The following TBC1D1 variants were observed in gnomAD, a reference collection of about 807,000 sequenced individuals.
TBC1D1 encodes TBC1 domain family member 1.
A neutral mutation model predicts 125.6 loss-of-function variants in TBC1D1; 89 were observed. The ratio of observed to expected loss-of-function variants is 0.71; its 90% confidence interval spans 0.60 to 0.85. The LOEUF (loss-of-function observed/expected upper bound fraction) is 0.85, where lower values mean the gene tolerates loss of function less well. Among genes scored for constraint, TBC1D1 ranks in the 40% least tolerant of loss-of-function variants. The pLI is 0.00. For synonymous variants in TBC1D1, 565 were observed against 564.1 expected, an observed-to-expected ratio of 1.00 and a Z score of -0.02; for missense variants, 1,377 against 1,469.2, an observed-to-expected ratio of 0.94 and a Z score of 1.03.
At chr4:38,022,016 C>T (rs1744146099) in intron 6 of TBC1D1, among the ~76,000 whole-genome samples, 1 of 152,150 alleles carries the variant, frequency 6.6e-6, no homozygotes, top group Admixed American at 6.5e-5. Flanking sequence ...TAGTGTTTAT[C>T]AAGGTTGTGT....
At position 38,096,108 on chromosome 4, in the gene TBC1D1, G is replaced by C. The variant is rs1468626310; in HGVS notation, c.2398+18G>C. On this transcript the variant is annotated intron_variant, in intron 14 of 19. Coordinates refer to ENST00000261439, the MANE Select transcript of TBC1D1 (RefSeq NM_015173.4). ...TGGGCAAGGTAAGCTTCATTGGGAA[G>C]CATCTAGTCAACCTCACCCCTCATT... 6 of 1,606,030 alleles carry C rather than the reference G, an allele frequency of 3.7e-6. No individual in the cohort carries two copies. The East Asian group carries it at 6.7e-5, about 18-fold the overall frequency.
Position 38,096,071 on chromosome 4 carries a change from G to A in TBC1D1, c.2379G>A (p.Met793Ile), listed in dbSNP as rs1759275556. The A allele has an allele frequency of 6.2e-6, 10 of 1,613,222 alleles. No homozygotes were observed. In the South Asian group the frequency reaches 8.8e-5, roughly 14 times the overall value. The change falls in exon 14 of 20, where the codon ATG (methionine) becomes ATA (isoleucine). Residue 793 changes from methionine to isoleucine, a missense_variant. Met to Ile is a conservative substitution (Grantham distance 10). Around this residue, in one of 3 missense-constraint regions of TBC1D1, gnomAD observed 543 missense variants for 613.5 expected, o/e 0.89. Transcript: ENST00000261439. ...AAATTAAGTTTGACATGGAAAAAAT[G>A]CACTCGGCTGTTGGGCAAGGTAAGC...
rs74955942 is a variant in TBC1D1 at position 38,027,845 on chromosome 4, A to G, written c.1268A>G (p.Asn423Ser). Residue 423 changes from asparagine (N) to serine (S), a missense_variant, in exon 7 of 20, where the codon AAT (asparagine) becomes AGT (serine). Transcript: ENST00000261439. ...CAAAAGCACCTGACGACATTAACCAATCAGGAGCAGGCGACTATTTTTGAA... is the reference window on the plus strand; with the variant it reads ...CAAAAGCACCTGACGACATTAACCAGTCAGGAGCAGGCGACTATTTTTGAA... The G allele has an allele frequency of 3.0e-5, 49 of 1,613,694 alleles. No homozygotes were observed. The Admixed American group carries it at 3.2e-4, about 10-fold the overall frequency.
intron 2 of TBC1D1, among the ~76,000 whole-genome samples, chr4:37,949,768 C>T (rs1197163795): frequency 1.3e-5 from 2 of 152,176 alleles, no homozygotes; most frequent in African/African-American, 4.8e-5. Context: ...CTATTCAACT[C>T]TGCCATTTTA....
chr4:37,975,366 G>A (rs1038855185), intron 2 of TBC1D1, among the ~76,000 whole-genome samples: 4 of 152,240 alleles, frequency 2.6e-5, no homozygotes, highest in African/African-American at 9.6e-5. Context: ...GATGGAACGT[G>A]AAGGCAGACT....
chr4:37,940,176 GT>G (rs1282132496), intron 2 of TBC1D1, among the ~76,000 whole-genome samples: 1 of 152,118 alleles, frequency 6.6e-6, no homozygotes, highest in Non-Finnish European at 1.5e-5. Context: ...TCTTCCATTT[GT>G]TTGTGTCCTC....
chr4:38,102,980 T>G lies in TBC1D1; in HGVS notation c.2399-19T>G. ...ATTCTGTGCATAAATTATTTCCATGTCTTCTCTCCCTTTTAAAGGTGTGCC... is the reference window on the plus strand; with the variant it reads ...ATTCTGTGCATAAATTATTTCCATGGCTTCTCTCCCTTTTAAAGGTGTGCC... On this transcript the variant is annotated intron_variant, in intron 14 of 19. Coordinates refer to ENST00000261439, the MANE Select transcript of TBC1D1 (RefSeq NM_015173.4). The G allele has an allele frequency of 6.2e-7, 1 of 1,604,948 alleles. No individual in the cohort carries two copies.
chr4:38,062,631 GCCCCCACA>G (rs1752978396), intron 12 of TBC1D1, among the ~76,000 whole-genome samples: 1 of 45,704 alleles, frequency 2.2e-5, no homozygotes. Flanking sequence ...ACCCTGCGCC[GCCCCCACA>G]CCCCATTGTG....
At chr4:38,103,448 A>G (rs1760716826) in intron 15 of TBC1D1, among the ~76,000 whole-genome samples, 1 of 152,216 alleles carries the variant, frequency 6.6e-6, no homozygotes, top group Non-Finnish European at 1.5e-5. Context: ...AAATATTGAT[A>G]GGAGGTTTTT....
At chr4:37,897,035 G>A (rs550328798) in intron 1 of TBC1D1, among the ~76,000 whole-genome samples, 26 of 152,206 alleles carry the variant, frequency 1.7e-4, no homozygotes, top group African/African-American at 6.0e-4. Flanking sequence ...TAACAAGAAC[G>A]TTACTAGAAG....
At position 38,020,639 on chromosome 4, in the gene TBC1D1, G is replaced by A. The variant is rs765662695; in HGVS notation, c.1021G>A (p.Gly341Arg). Residue 341 changes from glycine to arginine, a missense_variant, in exon 5 of 20, where the codon GGA becomes AGA. Transcript: ENST00000261439. ...TGGGTTTATCTGTCGGGAGTCTTCC[G>A]GAGGTGGCGGCTTTCATTTTGTCTG... is the stretch of plus-strand genomic sequence containing the variant. The A allele has an allele frequency of 1.4e-5, 23 of 1,613,082 alleles. No individual in the cohort carries two copies. Among genetic ancestry groups the A allele is most frequent in the Non-Finnish European group, 1.7e-5 (20 of 1,179,452 alleles).
chr4:37,911,377 C>CA (rs1267607071), intron 2 of TBC1D1, among the ~76,000 whole-genome samples: 2 of 152,172 alleles, frequency 1.3e-5, no homozygotes, highest in Admixed American at 6.5e-5. Context: ...CTGTCAGCTT[C>CA]AACCCACAAC....
intron 2 of TBC1D1, among the ~76,000 whole-genome samples, chr4:37,951,708 C>T (rs1310601968): frequency 1.8e-4 from 27 of 152,138 alleles, no homozygotes; most frequent in Admixed American, 1.8e-3. Context: ...TTGAAAAGGC[C>T]ATTCAAAACA....
chr4:38,028,025 C>A, intron 7 of TBC1D1, 146 bp downstream of exon 7: 1 of 521,794 alleles, frequency 1.9e-6, no homozygotes, highest in Non-Finnish European at 3.4e-6. Context: ...GGTGACCAAT[C>A]TTTTGGCTTC....
intron 2 of TBC1D1, among the ~76,000 whole-genome samples, chr4:37,948,631 A>C (rs540875822): frequency 7.4e-4 from 113 of 151,864 alleles, no homozygotes; most frequent in African/African-American, 2.7e-3. Flanking sequence ...CTGTCTCAAA[A>C]AAAAAAAAAA....
chr4:37,986,693 G>C (rs1249030649), intron 2 of TBC1D1, among the ~76,000 whole-genome samples: 1 of 152,134 alleles, frequency 6.6e-6, no homozygotes, highest in Non-Finnish European at 1.5e-5. Flanking sequence ...TGATCTGCCT[G>C]CCTCAAGTGA....
chr4:37,907,914 A>G (rs1717682744), intron 2 of TBC1D1, among the ~76,000 whole-genome samples: 1 of 152,228 alleles, frequency 6.6e-6, no homozygotes. Flanking sequence ...ATCATTCATA[A>G]AAGTAATTGC....
chr4:38,055,260 A>G (rs1406441743), intron 12 of TBC1D1, among the ~76,000 whole-genome samples: 1 of 152,118 alleles, frequency 6.6e-6, no homozygotes, highest in Non-Finnish European at 1.5e-5. Context: ...TGCCGTCCTC[A>G]TGTCTGACGA....
chr4:37,920,802 A>G (rs36075899), intron 2 of TBC1D1, among the ~76,000 whole-genome samples: 35,779 of 151,918 alleles, frequency 0.24, 5,179 homozygotes, highest in Admixed American at 0.36. Context: ...CCAAAACAGT[A>G]GGGAGTTTTA....
Sources: allele counts gnomAD v4.1 joint callset (sites outside exome capture counted in the v4.1 genomes callset), GRCh38; gene constraint gnomAD v4.1.1; regional missense constraint gnomAD v4.1.1; transcripts MANE v1.5; gene names NCBI Gene and HGNC (gene_info 2026-07-23, HGNC 2026-07-21).